The following SLC13A2 variants were observed in gnomAD, a reference collection of about 807,000 sequenced individuals.
SLC13A2 encodes the protein solute carrier family 13 member 2.
In SLC13A2, 40 loss-of-function variants were observed where a neutral mutation model predicts 58.5. The ratio of observed to expected loss-of-function variants is 0.68; its 90% CI spans 0.53 to 0.89. The LOEUF is 0.89. Among genes scored for constraint, SLC13A2 ranks in the 40% least tolerant of loss-of-function variants. The pLI is 0.00. For synonymous variants in SLC13A2, 341 were observed against 331.6 expected (o/e 1.03, Z -0.31); for missense variants, 694 against 772.6 (o/e 0.90, Z 1.21).
In SLC13A2 at chr17:28,496,472, C is replaced by T; in HGVS notation, c.1493C>T (p.Pro498Leu). ...ASMAQAICLH[P>L]LYVMLPCTLA... ...CAGGCCCAGGCCATCTGCCTCCACC[C>T]TCTCTACGTCATGCTCCCCTGCACT... Residue 498 changes from proline (P) to leucine (L), a missense_variant, in exon 11 of 12, where the codon CCT (proline) becomes CTT (leucine). Coordinates refer to ENST00000314669, the MANE Select transcript of SLC13A2 (RefSeq NM_003984.4). The surrounding 1 kb of genome is among the most constrained non-coding windows in gnomAD (Gnocchi z 4.2). The T allele has an allele frequency of 6.2e-7, 1 of 1,609,314 alleles. No homozygotes were observed. Among genetic ancestry groups the T allele is most frequent in the Non-Finnish European group, 8.5e-7 (1 of 1,176,788 alleles).
At position 28,497,361 on chromosome 17, in the gene SLC13A2, C is replaced by T. The variant is rs1235215467; in HGVS notation, c.*92C>T. ...GACACCCCAAGCTCCAAGCTCCAAG[C>T]TCCAGGCCAAAGGCTGAAAGGCACG... On this transcript the variant is annotated 3_prime_UTR_variant, in exon 12 of 12. Coordinates refer to ENST00000314669, the MANE Select transcript of SLC13A2 (RefSeq NM_003984.4). 6.9e-7 allele frequency: 1 copy of T among 1,450,602 alleles called. No individual in the cohort carries two copies. Among genetic ancestry groups the T allele is most frequent in the Non-Finnish European group, 9.3e-7 (1 of 1,077,290 alleles). 89.9% of individuals were successfully genotyped at this position (1,450,602 alleles called of 1,614,324 possible).
chr17:28,481,408 G>C (rs551153145), intron 1 of SLC13A2, among the ~76,000 whole-genome samples: 1 of 152,208 alleles, frequency 6.6e-6, no homozygotes, highest in Non-Finnish European at 1.5e-5. Flanking sequence ...CCGCCATCAC[G>C]TGCAACTTGA....
At position 28,497,334 on chromosome 17, in the gene SLC13A2, G is replaced by T. The variant is rs894327988; in HGVS notation, c.*65G>T. On this transcript the variant is annotated 3_prime_UTR_variant, in exon 12 of 12. Transcript: ENST00000314669. ...CATTCCCACTCCTCTGAGCCCGGAG[G>T]GGACACCCCAAGCTCCAAGCTCCAA... The T allele has an allele frequency of 1.9e-6, 3 of 1,543,144 alleles. No homozygotes were observed. Among genetic ancestry groups the T allele is most frequent in the East Asian group, 4.5e-5 (2 of 44,168 alleles).
At chr17:28,478,056 T>C (rs1189299316) in intron 1 of SLC13A2, among the ~76,000 whole-genome samples, 1 of 150,914 alleles carries the variant, frequency 6.6e-6, no homozygotes, top group Non-Finnish European at 1.5e-5. Context: ...AGGCTCAGTC[T>C]CAAAAAATAA....
rs2069143802 is a variant in SLC13A2 at position 28,496,396 on chromosome 17, C to T, written c.1471-54C>T. ...AGCAGGAGAATTGGGGGCCATGCCC[C>T]TCCCTCTGGCTTGGGGACCAAGTTC... On this transcript the variant is annotated intron_variant, in intron 10 of 11. Coordinates refer to ENST00000314669, the MANE Select transcript of SLC13A2 (RefSeq NM_003984.4). This position sits in a 1 kb window ranked among gnomAD's most constrained non-coding sequence, Gnocchi z 4.2. 1.9e-6 allele frequency: 3 copies of T among 1,545,210 alleles called. No individual in the cohort carries two copies. Among genetic ancestry groups the T allele is most frequent in the East Asian group, 2.3e-5 (1 of 43,006 alleles).
intron 1 of SLC13A2, among the ~76,000 whole-genome samples, chr17:28,486,001 AT>A (rs1307818783): frequency 1.3e-5 from 2 of 152,112 alleles, no homozygotes; most frequent in Non-Finnish European, 2.9e-5. Context: ...TTTAAAAAAA[AT>A]TTTTTTTAAT....
rs1164302665 is a variant in SLC13A2 at position 28,496,808 on chromosome 17, G to A, written c.1608+221G>A. 1.3e-5 allele frequency among the ~76,000 whole-genome samples: 2 copies of A among 152,196 alleles called. No individual in the cohort carries two copies. Among genetic ancestry groups the A allele is most frequent in the African/African-American group, 4.8e-5 (2 of 41,440 alleles). On this transcript the variant is annotated intron_variant, in intron 11 of 11. Transcript: ENST00000314669. This position sits in a 1 kb window ranked among gnomAD's most constrained non-coding sequence, Gnocchi z 4.2. Reference sequence around the variant, plus strand: ...TATGTGAGAGGGAGGGAAGTGGGTGGGGAACATGGGGAAGGCTCCAAGGTG... The same window carrying A: ...TATGTGAGAGGGAGGGAAGTGGGTGAGGAACATGGGGAAGGCTCCAAGGTG...
At chr17:28,481,201 T>C (rs1235104046) in intron 1 of SLC13A2, among the ~76,000 whole-genome samples, 2 of 152,216 alleles carry the variant, frequency 1.3e-5, no homozygotes, top group Admixed American at 6.5e-5. Flanking sequence ...CTTTAGTGCA[T>C]ACAGGCAGGG....
intron 7 of SLC13A2, 64 bp from the exon 8 acceptor site, chr17:28,493,953 C>T: frequency 6.5e-7 from 1 of 1,527,774 alleles, no homozygotes; most frequent in Middle Eastern, 1.7e-4. Context: ...CCACCCTCCA[C>T]CCTGTGGCCC....
intron 2 of SLC13A2, chr17:28,490,200 G>C (rs2068976210): frequency 9.2e-7 from 1 of 1,084,316 alleles, no homozygotes; most frequent in Non-Finnish European, 1.3e-6. Flanking sequence ...TTTGAGCCAA[G>C]GAGGTGGAGG....
chr17:28,489,166 TG>T, intron 1 of SLC13A2, 47 bp from the exon 2 acceptor site: 1 of 1,603,492 alleles, frequency 6.2e-7, no homozygotes. Flanking sequence ...GGCATAGCTC[TG>T]GGACACAGGC....
At chr17:28,495,859 G>T (rs1203104461) in intron 10 of SLC13A2, 43 bp downstream of exon 10, 6 of 1,590,982 alleles carry the variant, frequency 3.8e-6, no homozygotes, top group African/African-American at 2.7e-5. Context: ...CAGCCCGCCT[G>T]CCTGCCCCAC....
At chr17:28,497,039 G>A in intron 11 of SLC13A2, 60 bp from the exon 12 acceptor site, 2 of 1,566,366 alleles carry the variant, frequency 1.3e-6, no homozygotes, top group Non-Finnish European at 1.7e-6. Context: ...CAAACACCTG[G>A]GGACTTGGGG....
chr17:28,473,646 ATC>A lies in SLC13A2; in HGVS notation c.-65_-64del. ...GCCTGCCACCTGCCTGCTTGGCTGC[ATC>A]TTTGGTCCTTCTGTTACCCAGCTCC... On this transcript the variant is annotated 5_prime_UTR_variant, in exon 1 of 12. Transcript: ENST00000314669. The A allele has an allele frequency of 8.4e-7, 1 of 1,191,126 alleles. No homozygotes were observed. Among genetic ancestry groups the A allele is most frequent in the Non-Finnish European group, 1.2e-6 (1 of 811,948 alleles). 73.8% of individuals were successfully genotyped at this position (1,191,126 alleles called of 1,614,324 possible).
intron 1 of SLC13A2, among the ~76,000 whole-genome samples, chr17:28,488,054 T>C (rs1184184821): frequency 6.6e-6 from 1 of 152,210 alleles, no homozygotes; most frequent in Non-Finnish European, 1.5e-5. Flanking sequence ...TGAGCTCATC[T>C]ATAAGGTGGG....
At chr17:28,491,193 T>C (rs1295612841) in intron 4 of SLC13A2, among the ~76,000 whole-genome samples, 1 of 152,138 alleles carries the variant, frequency 6.6e-6, no homozygotes, top group Non-Finnish European at 1.5e-5. Context: ...TCCTGAGTGG[T>C]TTGGGTAATC....
Position 28,490,477 on chromosome 17 carries a change from C to G in SLC13A2, c.255C>G (p.Asp85Glu), listed in dbSNP as rs1186799922. ...AGGTTGCCGTCGAGTATCTTAAGGACTCCAACCTCCTGTTCTTCGGGGGGC... is the reference window on the plus strand; with the variant it reads ...AGGTTGCCGTCGAGTATCTTAAGGAGTCCAACCTCCTGTTCTTCGGGGGGC... Reference protein sequence around the residue: ...ASEVAVEYLKDSNLLFFGGLL... With the variant: ...ASEVAVEYLKESNLLFFGGLL... Residue 85 changes from aspartate to glutamate, a missense_variant, in exon 3 of 12, where the codon GAC (aspartate) becomes GAG (glutamate). Asp to Glu is a conservative substitution (Grantham distance 45). Coordinates refer to ENST00000314669, the MANE Select transcript of SLC13A2 (RefSeq NM_003984.4). 1 of 1,614,004 alleles carries G rather than the reference C, an allele frequency of 6.2e-7. No homozygotes were observed. The highest frequency in any genetic ancestry group is 8.5e-7 in the Non-Finnish European group (1 of 1,180,042).
intron 1 of SLC13A2, among the ~76,000 whole-genome samples, chr17:28,487,968 C>A (rs2068917140): frequency 6.6e-6 from 1 of 152,148 alleles, no homozygotes; most frequent in Non-Finnish European, 1.5e-5. Context: ...CAATCCCAAT[C>A]CTTTATCTGA....
chr17:28,478,981 G>A (rs1410703660), intron 1 of SLC13A2, among the ~76,000 whole-genome samples: 1 of 152,172 alleles, frequency 6.6e-6, no homozygotes, highest in Non-Finnish European at 1.5e-5. Flanking sequence ...ACTCTGGGAG[G>A]TCAAGGTGGG....
Sources: allele counts gnomAD v4.1 joint callset (sites outside exome capture counted in the v4.1 genomes callset), GRCh38; gene constraint gnomAD v4.1.1; non-coding constraint Gnocchi (gnomAD v3.1); transcripts MANE v1.5; gene names NCBI Gene and HGNC (gene_info 2026-07-23, HGNC 2026-07-21).